The following LIMK1 variants were observed in gnomAD, a reference collection of about 807,000 sequenced individuals.
LIMK1 encodes the protein LIM domain kinase 1, also known as LIM motif-containing protein kinase.
In LIMK1, 21 loss-of-function variants were observed where a neutral mutation model predicts 77.6. That is an observed-to-expected ratio of 0.27 (90% CI 0.19 to 0.39). LIMK1 has a LOEUF of 0.39. Among genes scored for constraint, LIMK1 ranks in the 10% least tolerant of loss-of-function variants. The pLI, the probability that LIMK1 is intolerant of heterozygous loss-of-function variation, is 1.00. For synonymous variants in LIMK1, 358 were observed against 370.0 expected (o/e 0.97, Z 0.37); for missense variants, 696 against 901.6 (o/e 0.77, Z 2.92).
chr7:74,094,572 C>T (rs370906054), intron 2 of LIMK1, among the ~76,000 whole-genome samples: 1 of 152,194 alleles, frequency 6.6e-6, no homozygotes, highest in Non-Finnish European at 1.5e-5. Flanking sequence ...GGGCAGGAAG[C>T]GAGTCATTGG....
intron 5 of LIMK1, among the ~76,000 whole-genome samples, chr7:74,102,891 G>A (rs1211970745): frequency 2.1e-5 from 3 of 143,764 alleles, no homozygotes; most frequent in Admixed American, 7.0e-5. Context: ...TTTTTGAGAC[G>A]GAATTTTGCT....
intron 5 of LIMK1, among the ~76,000 whole-genome samples, chr7:74,105,264 C>T (rs1194269475): frequency 2.0e-5 from 3 of 152,236 alleles, no homozygotes; most frequent in Admixed American, 2.0e-4. Flanking sequence ...AGTCCTAGCC[C>T]TTTGGGAGGC....
At chr7:74,089,605 C>T (rs782810447) in intron 2 of LIMK1, among the ~76,000 whole-genome samples, 15 of 152,140 alleles carry the variant, frequency 9.9e-5, no homozygotes, top group East Asian at 3.8e-4. Context: ...GTTTTCTAAC[C>T]TGGGCACTGG....
chr7:74,090,221 A>G (rs1044537570), intron 2 of LIMK1, among the ~76,000 whole-genome samples: 2 of 152,038 alleles, frequency 1.3e-5, no homozygotes, highest in Non-Finnish European at 2.9e-5. Context: ...CTAAAAATAC[A>G]AAAATTAGCC....
chr7:74,105,529 A>T (rs1554697214), intron 5 of LIMK1, among the ~76,000 whole-genome samples: 1 of 151,814 alleles, frequency 6.6e-6, no homozygotes, highest in Non-Finnish European at 1.5e-5. Flanking sequence ...AAAAAAAAAA[A>T]AAAATTCGAG....
At chr7:74,088,617 G>A (rs1418065458) in intron 2 of LIMK1, among the ~76,000 whole-genome samples, 18 of 151,650 alleles carry the variant, frequency 1.2e-4, no homozygotes, top group Admixed American at 1.1e-3. Flanking sequence ...CCTGGCCAAC[G>A]TGGTGAAACC....
Position 74,107,152 on chromosome 7 carries a change from G to T in LIMK1, c.1024G>T (p.Gly342Trp). 1 of 1,613,000 alleles carries T rather than the reference G, an allele frequency of 6.2e-7. No homozygotes were observed. ...RIFRPSDLIH[G>W]EVLGKGCFGQ... ...CTTCCGGCCGTCGGACCTCATCCAC[G>T]GGGAGGTGCTGGGCAAGGGCTGCTT... is the stretch of plus-strand genomic sequence containing the variant. Residue 342 changes from glycine (G) to tryptophan (W), a missense_variant, in exon 8 of 16, where the codon GGG becomes TGG. Physicochemically the swap from Gly to Trp is radical, Grantham distance 184. Around this residue, in one of 3 missense-constraint regions of LIMK1, gnomAD observed 438 missense variants for 602.3 expected, o/e 0.73. Coordinates refer to ENST00000336180, the MANE Select transcript of LIMK1 (RefSeq NM_002314.4).
At chr7:74,119,624 A>C (rs1315122809) in intron 13 of LIMK1, among the ~76,000 whole-genome samples, 10 of 151,328 alleles carry the variant, frequency 6.6e-5, no homozygotes, top group African/African-American at 2.2e-4. Flanking sequence ...ACAGCAGAAA[A>C]TGGTCAGGCA....
intron 5 of LIMK1, among the ~76,000 whole-genome samples, chr7:74,102,993 A>C (rs1799497306): frequency 6.6e-6 from 1 of 151,068 alleles, no homozygotes; most frequent in South Asian, 2.1e-4. Flanking sequence ...TCAGCCTCCT[A>C]AGTAGCTGAG....
chr7:74,090,375 GAA>G (rs67570180), intron 2 of LIMK1, among the ~76,000 whole-genome samples: 1 of 148,434 alleles, frequency 6.7e-6, no homozygotes, highest in African/African-American at 2.5e-5. Context: ...ACTCCATCTC[GAA>G]AAAAAAAAGT....
chr7:74,112,642 G>A (rs148798227), intron 12 of LIMK1, among the ~76,000 whole-genome samples: 7 of 151,688 alleles, frequency 4.6e-5, no homozygotes, highest in African/African-American at 1.5e-4. Context: ...TGGCTAACAC[G>A]GTGAAACCCC....
chr7:74,119,485 C>G (rs1047679880), intron 13 of LIMK1, among the ~76,000 whole-genome samples: 1 of 151,346 alleles, frequency 6.6e-6, no homozygotes, highest in African/African-American at 2.4e-5. Context: ...GGCCATGTAC[C>G]GATTATTTTT....
At chr7:74,107,372 A>G (rs1799598448) in intron 8 of LIMK1, among the ~76,000 whole-genome samples, 179 bp downstream of exon 8, 1 of 152,126 alleles carries the variant, frequency 6.6e-6, no homozygotes, top group South Asian at 2.1e-4. Context: ...CTACAGGTAG[A>G]CTGAGACCTT....
intron 2 of LIMK1, 81 bp downstream of exon 2, chr7:74,085,925 C>A: frequency 1.0e-6 from 1 of 989,172 alleles, no homozygotes; most frequent in Non-Finnish European, 1.5e-6. Context: ...ATGGGGGAGG[C>A]CGGGATATGC....
At chr7:74,091,954 CTTTTTTT>C (rs35254348) in intron 2 of LIMK1, among the ~76,000 whole-genome samples, 23 of 80,648 alleles carry the variant, frequency 2.9e-4, no homozygotes, top group African/African-American at 1.3e-3. Flanking sequence ...GGCTGTACAG[CTTTTTTT>C]TTTTTTTTTT....
At chr7:74,092,363 A>G (rs1347273816) in intron 2 of LIMK1, among the ~76,000 whole-genome samples, 1 of 152,180 alleles carries the variant, frequency 6.6e-6, no homozygotes, top group Non-Finnish European at 1.5e-5. Context: ...TAGGACAGAC[A>G]GGGTCATAAG....
intron 13 of LIMK1, 114 bp downstream of exon 13, chr7:74,116,072 ACC>A: frequency 8.9e-7 from 1 of 1,127,722 alleles, no homozygotes; most frequent in South Asian, 1.5e-5. Flanking sequence ...CTCTTCAGTT[ACC>A]CTGTGGGTCC....
At chr7:74,113,121 G>A (rs1554698893) in intron 12 of LIMK1, among the ~76,000 whole-genome samples, 3 of 152,084 alleles carry the variant, frequency 2.0e-5, no homozygotes, top group Non-Finnish European at 4.4e-5. Context: ...AGGAGTTTGA[G>A]ACCAGCCTGG....
intron 11 of LIMK1, 55 bp downstream of exon 11, chr7:74,111,762 C>G: frequency 6.4e-7 from 1 of 1,555,544 alleles, no homozygotes; most frequent in South Asian, 1.1e-5. Context: ...AATTTGCAAA[C>G]AGAACCCACA....
Sources: allele counts gnomAD v4.1 joint callset (sites outside exome capture counted in the v4.1 genomes callset), GRCh38; gene constraint gnomAD v4.1.1; regional missense constraint gnomAD v4.1.1; transcripts MANE v1.5; gene names NCBI Gene and HGNC (gene_info 2026-07-23, HGNC 2026-07-21).